SPRYD3: variants seen among roughly 807,000 people sequenced by gnomAD.
SPRYD3 encodes SPRY domain containing 3.
Under a neutral mutation model 50.1 loss-of-function variants are expected in SPRYD3, and 17 were observed. The ratio of observed to expected loss-of-function variants is 0.34; its 90% CI spans 0.23 to 0.51. SPRYD3 has a LOEUF of 0.51. SPRYD3 is among the 20% of genes least tolerant of loss of function. SPRYD3 has a pLI of 0.97. For missense variants in SPRYD3, 401 were observed against 591.2 expected (o/e 0.68, Z 3.34); for synonymous variants, 198 against 215.5 (o/e 0.92, Z 0.71).
rs1369960928 is a variant in SPRYD3 at position 53,073,397 on chromosome 12, C to T, written c.582G>A (p.Glu194=). ...PAVGMHSLGE[E]VRLHLNAELG... ...GCTCAGCGTTGAGGTGCAGCCGCAC[C>T]TCCTCACCCAGGGAGTGCATGCCCA... is the stretch of plus-strand genomic sequence containing the variant. Residue 194 remains glutamate (E), a synonymous_variant, in exon 6 of 11, where the codon GAG becomes GAA. Transcript: ENST00000301463. 3 of 1,582,932 alleles carry T rather than the reference C, an allele frequency of 1.9e-6. No individual in the cohort carries two copies. The highest frequency in any genetic ancestry group is 1.8e-5 in the Admixed American group (1 of 54,876).
Position 53,075,829 on chromosome 12 carries a change from G to A in SPRYD3, c.171-18C>T, listed in dbSNP as rs779271614. On this transcript the variant is annotated intron_variant, in intron 2 of 10. Transcript: ENST00000301463. Reference sequence around the variant, plus strand: ...CATGATAACTGAAGGAGGAATGAGGGGGGAATTCCATTAGCAGCCTAGCCC... The same window carrying A: ...CATGATAACTGAAGGAGGAATGAGGAGGGAATTCCATTAGCAGCCTAGCCC... 7.5e-6 allele frequency: 12 copies of A among 1,609,332 alleles called. No homozygotes were observed. In the Admixed American group the frequency reaches 1.8e-4, roughly 25 times the overall value.
At chr12:53,073,081 A>G (rs1184100841) in intron 6 of SPRYD3, 2 of 463,938 alleles carry the variant, frequency 4.3e-6, no homozygotes, top group Non-Finnish European at 3.9e-6. Context: ...AAGAGGAGGA[A>G]GTGAAGAAAA....
In SPRYD3 at chr12:53,065,897, G is replaced by C; in HGVS notation, c.1264C>G (p.Pro422Ala). ...CCGCAGCTCAGCATTCCAATGGTGGGGAAGAAGCCTCCAGAAGGAACAACA... is the reference window on the plus strand; with the variant it reads ...CCGCAGCTCAGCATTCCAATGGTGGCGAAGAAGCCTCCAGAAGGAACAACA... ...DAVVPSGGFF[P>A]TIGMLSCGEK... The change falls in exon 11 of 11, where the codon CCC becomes GCC. Residue 422 changes from proline to alanine, a missense_variant. Pro to Ala is a conservative substitution (Grantham distance 27). Transcript: ENST00000301463. 2 of 1,614,020 alleles carry C rather than the reference G, an allele frequency of 1.2e-6. No homozygotes were observed. The highest frequency in any genetic ancestry group is 2.2e-5 in the South Asian group (2 of 91,084).
intron 1 of SPRYD3, among the ~76,000 whole-genome samples, chr12:53,077,516 C>T (rs770639873): frequency 2.6e-5 from 4 of 152,104 alleles, no homozygotes; most frequent in Admixed American, 1.3e-4. Context: ...GAGGTGGACA[C>T]GACAGGCAAT....
At chr12:53,073,254 C>CCGCCCCCGGGGGGGGGGGG in intron 6 of SPRYD3, 32 bp downstream of exon 6, 1 of 431,788 alleles carries the variant, frequency 2.3e-6, no homozygotes, top group Non-Finnish European at 4.4e-6. Flanking sequence ...TCCTCCGACC[C>CCGCCCCCGGGGGGGGGGGG]AGCCCCTCCC....
In SPRYD3 at chr12:53,072,538, G is replaced by A. The variant is rs367892863; in HGVS notation, c.693+748C>T. The stretch of plus-strand genomic sequence containing the variant: ...CCACTAGAGGTCAGGGCCAGATCCC[G>A]GACTTGGCGTCCATTCACTCCCAAT... On this transcript the variant is annotated intron_variant, in intron 6 of 10. Transcript: ENST00000301463. 2.1e-4 allele frequency among the ~76,000 whole-genome samples: 32 copies of A among 152,338 alleles called. No homozygotes were observed. The South Asian group carries it at 3.9e-3, about 19-fold the overall frequency.
At chr12:53,066,072 G>C (rs1329989206) in intron 10 of SPRYD3, 106 bp from the exon 11 acceptor site, 2 of 1,451,318 alleles carry the variant, frequency 1.4e-6, no homozygotes, top group Non-Finnish European at 1.9e-6. Context: ...GCTTCCAGCG[G>C]GGCTGGAGAG....
chr12:53,067,996 T>G (rs540184855), intron 7 of SPRYD3, among the ~76,000 whole-genome samples, 159 bp downstream of exon 7: 1 of 152,094 alleles, frequency 6.6e-6, no homozygotes, highest in Non-Finnish European at 1.5e-5. Context: ...GTGTGTACTC[T>G]TACACAGCAG....
At chr12:53,073,910 A>C (rs1944569707) in intron 5 of SPRYD3, among the ~76,000 whole-genome samples, 1 of 152,042 alleles carries the variant, frequency 6.6e-6, no homozygotes, top group Non-Finnish European at 1.5e-5. Flanking sequence ...AAAAAAAAAA[A>C]AGCAACCCAG....
chr12:53,079,181 A>G lies in SPRYD3; in HGVS notation c.23+130T>C, dbSNP rs926224222. 5.1e-6 allele frequency: 5 copies of G among 972,654 alleles called. No homozygotes were observed. The Admixed American group carries it at 9.4e-5, about 18-fold the overall frequency. 60.3% of individuals were successfully genotyped at this position (972,654 alleles called of 1,614,324 possible). On this transcript the variant is annotated intron_variant, in intron 1 of 10. Coordinates refer to ENST00000301463, the MANE Select transcript of SPRYD3 (RefSeq NM_032840.3). Reference sequence around the variant, plus strand: ...CACTGGGCCGAGGGTGCAGCAACAGAAGAAGCCCAGTGACCAGAGCGCAGG... The same window carrying G: ...CACTGGGCCGAGGGTGCAGCAACAGGAGAAGCCCAGTGACCAGAGCGCAGG...
intron 2 of SPRYD3, among the ~76,000 whole-genome samples, chr12:53,076,757 G>A (rs2121209693): frequency 6.6e-6 from 1 of 152,204 alleles, no homozygotes; most frequent in East Asian, 1.9e-4. Context: ...AGACCTGCCT[G>A]GCCAACATGG....
At chr12:53,073,813 C>T (rs538228148) in intron 5 of SPRYD3, among the ~76,000 whole-genome samples, 1 of 146,758 alleles carries the variant, frequency 6.8e-6, no homozygotes, top group East Asian at 2.0e-4. Flanking sequence ...CACTGCACTC[C>T]AGCCTGGGGG....
At chr12:53,073,261 T>TCTC in intron 6 of SPRYD3, 25 bp downstream of exon 6, 4 of 108,968 alleles carry the variant, frequency 3.7e-5, no homozygotes, top group South Asian at 1.9e-4. Context: ...ACCCAGCCCC[T>TCTC]CCCACCCTCC....
At chr12:53,079,021 G>T (rs1944611748) in intron 1 of SPRYD3, among the ~76,000 whole-genome samples, 1 of 152,222 alleles carries the variant, frequency 6.6e-6, no homozygotes, top group South Asian at 2.1e-4. Context: ...AGACCCCACA[G>T]TCTTGGCACC....
Position 53,065,913 on chromosome 12 carries a change from AG to A in SPRYD3, c.1247del (p.Pro416LeufsTer12). On this transcript the variant is annotated frameshift_variant, in exon 11 of 11. Transcript: ENST00000301463. LOFTEE classifies it high-confidence loss of function. Reference protein sequence around the residue: ...KIIGKKDAVVPSGGFFPTIGM... With the variant: ...KIIGKKDAVVXSGGFFPTIGM... ...CAATGGTGGGGAAGAAGCCTCCAGAAGGAACAACAGCATCCTTCTTCCCAAT... is the reference window on the plus strand; with the variant it reads ...CAATGGTGGGGAAGAAGCCTCCAGAAGAACAACAGCATCCTTCTTCCCAAT... 6.2e-7 allele frequency: 1 copy of A among 1,614,000 alleles called. No homozygotes were observed.
chr12:53,069,265 A>C (rs1231825556), intron 6 of SPRYD3, among the ~76,000 whole-genome samples: 1 of 151,844 alleles, frequency 6.6e-6, no homozygotes, highest in African/African-American at 2.4e-5. Context: ...ACTGCCCCTC[A>C]CGACTTTCTT....
rs1021703667 is a variant in SPRYD3 at position 53,064,501 on chromosome 12, C to G, written c.*1331G>C. The stretch of plus-strand genomic sequence containing the variant: ...TCCCATCCCTGGCCCAACATTGGTC[C>G]ACATCTCCCCATGAGCAAGCTGCCT... On this transcript the variant is annotated 3_prime_UTR_variant, in exon 11 of 11. Transcript: ENST00000301463. 6.5e-6 allele frequency: 1 copy of G among 152,686 alleles called. No individual in the cohort carries two copies. The highest frequency in any genetic ancestry group is 1.5e-5 in the Non-Finnish European group (1 of 68,236). 9.5% of individuals were successfully genotyped at this position (152,686 alleles called of 1,614,324 possible).
intron 6 of SPRYD3, among the ~76,000 whole-genome samples, chr12:53,069,655 G>A (rs1338086988): frequency 6.6e-6 from 1 of 152,206 alleles, no homozygotes; most frequent in Admixed American, 6.5e-5. Context: ...AAAGCAGCAT[G>A]CACGGGAGAC....
intron 3 of SPRYD3, 61 bp downstream of exon 3, chr12:53,075,675 G>C: frequency 2.2e-6 from 3 of 1,338,208 alleles, no homozygotes; most frequent in Non-Finnish European, 3.2e-6. Flanking sequence ...GAGCTTCTTG[G>C]GGCTTAATGA....
Sources: allele counts gnomAD v4.1 joint callset (sites outside exome capture counted in the v4.1 genomes callset), GRCh38; gene constraint gnomAD v4.1.1; transcripts MANE v1.5; gene names NCBI Gene and HGNC (gene_info 2026-07-23, HGNC 2026-07-21).